Variants in ARHGAP32 observed in about 807,000 individuals in gnomAD.
ARHGAP32 encodes Rho GTPase activating protein 32, also known as rho GTPase-activating protein 32.
In ARHGAP32, 51 loss-of-function variants were observed where a neutral mutation model predicts 186.5. The ratio of observed to expected loss-of-function variants is 0.27; its 90% CI spans 0.22 to 0.35. ARHGAP32 has a LOEUF of 0.35. Among genes scored for constraint, ARHGAP32 ranks in the 10% least tolerant of loss-of-function variants. The probability of loss-of-function intolerance (pLI) is 1.00; values close to 1 mark genes in which losing one functional copy is unlikely to be tolerated. For synonymous variants in ARHGAP32, 950 were observed against 964.3 expected (o/e 0.99, Z 0.27); for missense variants, 2,186 against 2,623.5 (o/e 0.83, Z 3.64).
chr11:129,082,844 C>A (rs2135227410), intron 6 of ARHGAP32, among the ~76,000 whole-genome samples: 1 of 152,128 alleles, frequency 6.6e-6, no homozygotes, highest in Non-Finnish European at 1.5e-5. Flanking sequence ...GGACTGATAT[C>A]CAGAATCTAC....
At chr11:129,097,849 A>T (rs997494601) in intron 5 of ARHGAP32, among the ~76,000 whole-genome samples, 1 of 152,204 alleles carries the variant, frequency 6.6e-6, no homozygotes, top group Non-Finnish European at 1.5e-5. Context: ...AAACTCAGAG[A>T]GACCCACACT....
upstream of ARHGAP32, among the ~76,000 whole-genome samples, chr11:129,279,566 C>G (rs1324092401): frequency 6.8e-6 from 1 of 146,448 alleles, no homozygotes; most frequent in Non-Finnish European, 1.5e-5. Flanking sequence ...GCCCGCCGCC[C>G]GCCCAGCCTC....
intron 10 of ARHGAP32, among the ~76,000 whole-genome samples, chr11:129,047,731 ATCT>A (rs1431528551): frequency 6.6e-6 from 1 of 152,118 alleles, no homozygotes; most frequent in African/African-American, 2.4e-5. Context: ...AAAGAACCTA[ATCT>A]TCTTTAGAGT....
intron 11 of ARHGAP32, among the ~76,000 whole-genome samples, chr11:129,007,004 C>T (rs1200354895): frequency 6.6e-6 from 1 of 152,080 alleles, no homozygotes; most frequent in Admixed American, 6.5e-5. Flanking sequence ...ATCCCATGGC[C>T]ACCACCACCA....
intron 5 of ARHGAP32, among the ~76,000 whole-genome samples, chr11:129,096,518 T>A (rs934215188): frequency 6.6e-6 from 1 of 151,690 alleles, no homozygotes; most frequent in African/African-American, 2.4e-5. Flanking sequence ...CAGCTCCCTA[T>A]ACCCCCCCGG....
In ARHGAP32 at chr11:128,978,867, A is replaced by C; in HGVS notation, c.2025T>G (p.Arg675=). The change falls in exon 19 of 23, where the codon CGT becomes CGG. Residue 675 remains arginine (R), a synonymous_variant. Transcript: ENST00000682385. The part of the protein sequence containing the change: ...KMKKSPVGSW[R]SFFNLGKSSS... Reference sequence around the variant, plus strand: ...ATGATTTCCCCAAGTTGAAAAAGGAACGCCAGCTACCCACAGGAGACTTTT... The same window carrying C: ...ATGATTTCCCCAAGTTGAAAAAGGACCGCCAGCTACCCACAGGAGACTTTT... The C allele has an allele frequency of 6.2e-7, 1 of 1,612,568 alleles. No individual in the cohort carries two copies. Among genetic ancestry groups the C allele is most frequent in the Non-Finnish European group, 8.5e-7 (1 of 1,179,386 alleles).
chr11:128,985,850 GTGTGTGTGTA>G lies in ARHGAP32; in HGVS notation c.1526+143_1526+152del, dbSNP rs1472162984. Reference sequence around the variant, plus strand: ...TGTGTGCGTGTGTGTGTGTGTGTGTGTGTGTGTGTATATATATATATATATATATATATAT... The same window carrying G: ...TGTGTGCGTGTGTGTGTGTGTGTGTGTATATATATATATATATATATATAT... On this transcript the variant is annotated intron_variant, in intron 15 of 22. Transcript: ENST00000682385. 114 of 130,354 alleles carry G rather than the reference GTGTGTGTGTA, an allele frequency of 8.7e-4. 1 individual carries two copies. Among genetic ancestry groups the G allele is most frequent in the African/African-American group, 4.7e-3 (111 of 23,436 alleles). 8.1% of individuals were successfully genotyped at this position (130,354 alleles called of 1,614,324 possible).
chr11:129,152,297 A>G (rs1435409984), intron 2 of ARHGAP32, among the ~76,000 whole-genome samples: 1 of 152,196 alleles, frequency 6.6e-6, no homozygotes, highest in Non-Finnish European at 1.5e-5. Context: ...GCTGAATTCT[A>G]TAAGACACTG....
At chr11:129,083,474 G>A (rs1018861630) in intron 6 of ARHGAP32, among the ~76,000 whole-genome samples, 2 of 152,190 alleles carry the variant, frequency 1.3e-5, no homozygotes, top group Admixed American at 6.5e-5. Flanking sequence ...CTCAGGAATG[G>A]AAAACCCAAC....
intron 6 of ARHGAP32, among the ~76,000 whole-genome samples, chr11:129,083,549 G>A (rs1434344266): frequency 6.6e-6 from 1 of 152,140 alleles, no homozygotes; most frequent in African/African-American, 2.4e-5. Flanking sequence ...ATGATACAAT[G>A]GACTTTGGGG....
intron 6 of ARHGAP32, among the ~76,000 whole-genome samples, chr11:129,068,067 A>G (rs891551567): frequency 3.3e-5 from 5 of 152,054 alleles, no homozygotes; most frequent in African/African-American, 1.2e-4. Context: ...CCTGGTCCCT[A>G]TTCTAAGAGA....
At chr11:129,165,624 TA>T (rs954197627) in intron 1 of ARHGAP32, among the ~76,000 whole-genome samples, 1 of 149,494 alleles carries the variant, frequency 6.7e-6, no homozygotes, top group African/African-American at 2.5e-5. Flanking sequence ...AGAAAAAAAA[TA>T]GTCAAACCAG....
intron 2 of ARHGAP32, among the ~76,000 whole-genome samples, chr11:129,130,658 G>C (rs1942789367): frequency 6.6e-6 from 1 of 151,832 alleles, no homozygotes; most frequent in Non-Finnish European, 1.5e-5. Context: ...TCACAATGAA[G>C]TAACAGTGCA....
At chr11:129,163,907 A>G (rs1943580053) in intron 2 of ARHGAP32, among the ~76,000 whole-genome samples, 1 of 152,096 alleles carries the variant, frequency 6.6e-6, no homozygotes, top group Non-Finnish European at 1.5e-5. Flanking sequence ...TTTCAGCCAC[A>G]CTATCCTATT....
intron 5 of ARHGAP32, among the ~76,000 whole-genome samples, chr11:129,104,657 A>T (rs996072874): frequency 1.3e-5 from 2 of 151,840 alleles, no homozygotes; most frequent in African/African-American, 4.8e-5. Flanking sequence ...AGAAAAAAAA[A>T]AGCAAGGAGA....
intron 14 of ARHGAP32, 147 bp downstream of exon 14, chr11:128,986,373 CACCG>C: frequency 1.2e-6 from 1 of 818,822 alleles, no homozygotes; most frequent in Non-Finnish European, 1.9e-6. Flanking sequence ...CAGCAAAGAC[CACCG>C]ACTAGCTGGC....
At chr11:129,199,397 T>C (rs1465288599) in intron 1 of ARHGAP32, among the ~76,000 whole-genome samples, 1 of 152,238 alleles carries the variant, frequency 6.6e-6, no homozygotes, top group African/African-American at 2.4e-5. Context: ...AATGGTTTCA[T>C]GGGCCAGGCC....
At position 128,969,293 on chromosome 11, in the gene ARHGAP32, C is replaced by T. The variant is rs935730871; in HGVS notation, c.5920G>A (p.Glu1974Lys). 4 of 1,614,090 alleles carry T rather than the reference C, an allele frequency of 2.5e-6. No homozygotes were observed. In the South Asian group the frequency reaches 4.4e-5, roughly 18 times the overall value. The change falls in exon 23 of 23, where the codon GAG becomes AAG. Residue 1974 changes from glutamate (E) to lysine (K), a missense_variant. Around this residue, in one of 5 missense-constraint regions of ARHGAP32, gnomAD observed 1,502 missense variants for 1,570.0 expected, o/e 0.96. Coordinates refer to ENST00000682385, the MANE Select transcript of ARHGAP32 (RefSeq NM_001378024.1). This position sits in a 1 kb window ranked among gnomAD's most constrained non-coding sequence, Gnocchi z 4.8. ...RPWVRQPSAP[E>K]KHSRDCYKEE... ...TTGTAGCAGTCTCTGGAGTGTTTCT[C>T]TGGGGCAGAAGGCTGCCTAACCCAG...
intron 5 of ARHGAP32, among the ~76,000 whole-genome samples, chr11:129,113,767 G>T (rs1384498809): frequency 6.6e-6 from 1 of 152,004 alleles, no homozygotes; most frequent in Non-Finnish European, 1.5e-5. Flanking sequence ...AACAAACATT[G>T]TCTTCTCCCT....
Sources: allele counts gnomAD v4.1 joint callset (sites outside exome capture counted in the v4.1 genomes callset), GRCh38; gene constraint gnomAD v4.1.1; regional missense constraint gnomAD v4.1.1; non-coding constraint Gnocchi (gnomAD v3.1); transcripts MANE v1.5; gene names NCBI Gene and HGNC (gene_info 2026-07-23, HGNC 2026-07-21).